The following PPP2R3A variants were observed in gnomAD, a reference collection of about 807,000 sequenced individuals.
The protein encoded by PPP2R3A is protein phosphatase 2 regulatory subunit B''alpha, also known as serine/threonine-protein phosphatase 2A regulatory subunit B'' subunit alpha.
PPP2R3A carries 80 observed loss-of-function variants against 106.9 expected under a neutral mutation model. That is an observed-to-expected ratio of 0.75 (90% CI 0.62 to 0.90). The LOEUF is 0.90. Ranked by LOEUF, PPP2R3A falls within the 40% of genes least tolerant of loss-of-function variation. PPP2R3A has a pLI of 0.00. For synonymous variants in PPP2R3A, 483 were observed against 468.3 expected, an observed-to-expected ratio of 1.03 and a Z score of -0.41; for missense variants, 1,386 against 1,350.4, an observed-to-expected ratio of 1.03 and a Z score of -0.41.
Position 136,095,155 on chromosome 3 carries a change from G to A in PPP2R3A, c.2927+4488G>A, listed in dbSNP as rs2107954351. ...GAACTGTTTTTTTTTTCTATGGGGGGAGGTCCCCTCAGTTTCCTCAGTGGA... is the reference window on the plus strand; with the variant it reads ...GAACTGTTTTTTTTTTCTATGGGGGAAGGTCCCCTCAGTTTCCTCAGTGGA... On this transcript the variant is annotated intron_variant, in intron 10 of 13. Coordinates refer to ENST00000264977, the MANE Select transcript of PPP2R3A (RefSeq NM_002718.5). 2.0e-5 allele frequency among the ~76,000 whole-genome samples: 3 copies of A among 152,106 alleles called. No individual in the cohort carries two copies. The South Asian group carries it at 6.2e-4, about 32-fold the overall frequency.
chr3:136,070,215 C>T (rs1200390138), intron 5 of PPP2R3A, among the ~76,000 whole-genome samples: 1 of 152,124 alleles, frequency 6.6e-6, no homozygotes, highest in African/African-American at 2.4e-5. Context: ...ACAGTACATA[C>T]CTCGGAGACA....
intron 2 of PPP2R3A, among the ~76,000 whole-genome samples, chr3:136,013,599 C>T (rs188770639): frequency 1.1e-4 from 16 of 151,974 alleles, no homozygotes; most frequent in African/African-American, 3.6e-4. Context: ...TTTTGCTGAT[C>T]GTTAGTGATG....
chr3:136,027,472 C>G (rs1049352775), intron 3 of PPP2R3A, among the ~76,000 whole-genome samples: 2 of 152,078 alleles, frequency 1.3e-5, no homozygotes, highest in Non-Finnish European at 2.9e-5. Context: ...TAATGCCAGA[C>G]AAGGAAGCAT....
intron 1 of PPP2R3A, among the ~76,000 whole-genome samples, chr3:135,997,657 C>T (rs1933453851): frequency 1.3e-5 from 2 of 152,140 alleles, no homozygotes; most frequent in Admixed American, 6.5e-5. Flanking sequence ...GTCCTGTGGC[C>T]ACCCCCTGTA....
At chr3:136,128,472 T>C (rs1938272564) in intron 13 of PPP2R3A, among the ~76,000 whole-genome samples, 1 of 151,576 alleles carries the variant, frequency 6.6e-6, no homozygotes, top group Non-Finnish European at 1.5e-5. Context: ...GAGCTAACTA[T>C]CCTAAATATA....
At chr3:136,118,774 T>C (rs907718610) in intron 13 of PPP2R3A, among the ~76,000 whole-genome samples, 11 of 152,070 alleles carry the variant, frequency 7.2e-5, no homozygotes, top group African/African-American at 1.4e-4. Flanking sequence ...AGAATAAATA[T>C]TGTGAAAATG....
In PPP2R3A at chr3:136,106,639, T is replaced by G. The variant is rs538524461; in HGVS notation, c.3329+317T>G. ...GAGGAGGCTAAAAGAACTAAAGCTCTGGCCGGGCACGGTGGCTCACGCCTG... is the reference window on the plus strand; with the variant it reads ...GAGGAGGCTAAAAGAACTAAAGCTCGGGCCGGGCACGGTGGCTCACGCCTG... On this transcript the variant is annotated intron_variant, in intron 13 of 13. Transcript: ENST00000264977. The G allele has an allele frequency of 2.9e-5, 8 of 279,154 alleles. No individual in the cohort carries two copies. The South Asian group carries it at 3.0e-4, about 11-fold the overall frequency. The allele number at this position is 279,154 out of a possible 1,614,324, so 17.3% of individuals were successfully genotyped here. A position where few individuals can be genotyped will look rare whatever the true frequency, so the allele number is the denominator to read the frequency against.
intron 1 of PPP2R3A, among the ~76,000 whole-genome samples, chr3:135,997,251 C>T (rs2107781793): frequency 6.6e-6 from 1 of 152,352 alleles, no homozygotes; most frequent in East Asian, 1.9e-4. Flanking sequence ...AGGATACCAG[C>T]AACCTTCATA....
intron 8 of PPP2R3A, among the ~76,000 whole-genome samples, chr3:136,087,296 T>TCTCTCTCTCTCTCC (rs1936974965): frequency 7.0e-6 from 1 of 142,084 alleles, no homozygotes; most frequent in South Asian, 2.2e-4. Flanking sequence ...TCTCTCTCTC[T>TCTCTCTCTCTCTCC]CTCACCAACA....
At chr3:135,976,200 C>CTA (rs10662286) in intron 1 of PPP2R3A, among the ~76,000 whole-genome samples, 44,134 of 151,984 alleles carry the variant, frequency 0.29, 6,729 homozygotes, top group Non-Finnish European at 0.32. Flanking sequence ...CTAAGTATAA[C>CTA]TGTAAGTTTC....
intron 13 of PPP2R3A, among the ~76,000 whole-genome samples, chr3:136,111,124 C>T (rs79099123): frequency 2.6e-5 from 4 of 151,968 alleles, no homozygotes; most frequent in Non-Finnish European, 5.9e-5. Flanking sequence ...GTAAATGGAT[C>T]CTAGAGGAAA....
intron 12 of PPP2R3A, among the ~76,000 whole-genome samples, chr3:136,103,690 A>G (rs893300202): frequency 4.6e-5 from 7 of 152,224 alleles, no homozygotes; most frequent in Non-Finnish European, 8.8e-5. Context: ...TTTTAAAAAT[A>G]TATCAATAGG....
intron 1 of PPP2R3A, among the ~76,000 whole-genome samples, chr3:135,972,327 A>G (rs1210121541): frequency 2.0e-5 from 3 of 152,256 alleles, no homozygotes; most frequent in Admixed American, 1.3e-4. Context: ...TTGGCTGAAT[A>G]ATACTCCATT....
intron 5 of PPP2R3A, among the ~76,000 whole-genome samples, chr3:136,066,766 G>A (rs1056922398): frequency 3.9e-5 from 6 of 152,078 alleles, no homozygotes; most frequent in Admixed American, 6.6e-5. Flanking sequence ...ATGCTAGATC[G>A]TTCAAGAGAA....
At chr3:136,017,087 G>A (rs1484539947) in intron 2 of PPP2R3A, among the ~76,000 whole-genome samples, 1 of 152,166 alleles carries the variant, frequency 6.6e-6, no homozygotes. Context: ...GCTTAGTTTA[G>A]TTGGATACAA....
At chr3:136,103,469 G>C (rs1937432167) in intron 12 of PPP2R3A, 93 bp downstream of exon 12, 3 of 826,556 alleles carry the variant, frequency 3.6e-6, no homozygotes, top group Non-Finnish European at 5.7e-6. Context: ...CTGGAATTTC[G>C]GTAAAGAGGT....
At chr3:135,989,402 G>A (rs577101304) in intron 1 of PPP2R3A, among the ~76,000 whole-genome samples, 51 of 152,174 alleles carry the variant, frequency 3.4e-4, no homozygotes, top group Non-Finnish European at 7.4e-5. Context: ...CAGTCCACCC[G>A]CTGTTTTTAG....
intron 9 of PPP2R3A, among the ~76,000 whole-genome samples, chr3:136,089,490 T>C (rs1174204052): frequency 4.6e-5 from 7 of 152,108 alleles, no homozygotes; most frequent in Admixed American, 4.6e-4. Context: ...AGTAGCCTTA[T>C]AGTGTAGTTT....
intron 2 of PPP2R3A, among the ~76,000 whole-genome samples, chr3:136,018,573 ATTG>A (rs980770416): frequency 6.6e-6 from 1 of 152,224 alleles, no homozygotes; most frequent in African/African-American, 2.4e-5. Flanking sequence ...AACAGAATGA[ATTG>A]TATAAATACA....
Sources: gnomAD v4.1 joint callset for allele counts (sites outside exome capture counted in the v4.1 genomes callset) on GRCh38, gnomAD v4.1.1 for gene constraint, MANE v1.5 for transcripts, NCBI Gene and HGNC (gene_info 2026-07-23, HGNC 2026-07-21) for gene names.